The following CLNK variants were observed in gnomAD, a reference collection of about 807,000 sequenced individuals.
CLNK encodes the protein cytokine dependent hematopoietic cell linker.
A neutral mutation model predicts 68.6 loss-of-function variants in CLNK; 74 were observed. The observed-to-expected ratio is 1.08, with a 90% CI of 0.89 to 1.31. The LOEUF (loss-of-function observed/expected upper bound fraction) is 1.31, where lower values mean the gene tolerates loss of function less well. Ranked by LOEUF, CLNK falls within the 50% of genes most tolerant of loss-of-function variation. The pLI is 0.00. For missense variants in CLNK, 553 were observed against 515.3 expected, an observed-to-expected ratio of 1.07 and a Z score of -0.71; for synonymous variants, 198 against 172.2, an observed-to-expected ratio of 1.15 and a Z score of -1.17.
chr4:10,526,883 A>G (rs57686382), intron 13 of CLNK, among the ~76,000 whole-genome samples: 9,859 of 152,258 alleles, frequency 0.065, 601 homozygotes, highest in African/African-American at 0.15. Context: ...TAATACTATG[A>G]TATAAAATCT....
chr4:10,597,857 C>T, intron 3 of CLNK, 121 bp downstream of exon 3: 1 of 700,256 alleles, frequency 1.4e-6, no homozygotes, highest in Non-Finnish European at 2.4e-6. Flanking sequence ...CTCTGTCTGA[C>T]CTCTAAGTCA....
chr4:10,701,492 C>T, the CLNK span, among the ~76,000 whole-genome samples: 579 of 152,270 alleles, frequency 3.8e-3, 7 homozygotes, highest in African/African-American at 0.013. Context: ...AAACGCAGTC[C>T]CCTTTCTCAA....
chr4:10,563,743 C>T (rs1719988704), intron 7 of CLNK, among the ~76,000 whole-genome samples: 1 of 152,094 alleles, frequency 6.6e-6, no homozygotes, highest in Non-Finnish European at 1.5e-5. Context: ...CCCATCTCTA[C>T]TAAAAATACA....
chr4:10,565,934 C>A (rs534223953), intron 6 of CLNK, 75 bp downstream of exon 6: 9 of 1,477,184 alleles, frequency 6.1e-6, no homozygotes, highest in Admixed American at 2.1e-5. Flanking sequence ...ATTCAGAAAC[C>A]GCACCTTTAA....
intron 2 of CLNK, among the ~76,000 whole-genome samples, chr4:10,626,291 A>T (rs575005487): frequency 6.6e-6 from 1 of 152,188 alleles, no homozygotes; most frequent in African/African-American, 2.4e-5. Context: ...TGGATTTTAG[A>T]CAGACAGTTC....
chr4:10,602,318 T>A (rs1264306216), intron 2 of CLNK, among the ~76,000 whole-genome samples: 1 of 152,166 alleles, frequency 6.6e-6, no homozygotes, highest in South Asian at 2.1e-4. Flanking sequence ...CCAAGGTGTA[T>A]GTCTACCCCA....
At chr4:10,668,142 C>T (rs1724480382) in intron 1 of CLNK, among the ~76,000 whole-genome samples, 1 of 152,276 alleles carries the variant, frequency 6.6e-6, no homozygotes, top group South Asian at 2.1e-4. Context: ...ATCCCATCTG[C>T]CCCCGGGAGC....
At chr4:10,676,116 G>C (rs1724864925) in intron 1 of CLNK, among the ~76,000 whole-genome samples, 1 of 151,838 alleles carries the variant, frequency 6.6e-6, no homozygotes, top group Non-Finnish European at 1.5e-5. Context: ...TAGGAGCTTT[G>C]AGTAAACATG....
intron 1 of CLNK, 57 bp from the exon 2 acceptor site, chr4:10,667,968 G>C: frequency 1.0e-6 from 1 of 998,224 alleles, no homozygotes; most frequent in South Asian, 1.7e-5. Context: ...TTTAATTCTG[G>C]GGAACAAGCC....
rs577146049 is a variant in CLNK, at chr4:10,573,975, CAT to C, written c.113-2199_113-2198del. ...CATCAATCTCACTGAATTGTTAACG[CAT>C]ATGTTTTCTGTCTCACTCACCATGA... On this transcript the variant is annotated intron_variant, in intron 4 of 18. Transcript: ENST00000226951. 1.6e-3 allele frequency among the ~76,000 whole-genome samples: 241 copies of C among 152,308 alleles called. 2 individuals carry two copies. Among genetic ancestry groups the C allele is most frequent in the Non-Finnish European group, 1.1e-3 (73 of 68,030 alleles).
intron 15 of CLNK, among the ~76,000 whole-genome samples, chr4:10,520,042 CTTT>C (rs57157988): frequency 6.1e-5 from 9 of 148,740 alleles, no homozygotes; most frequent in African/African-American, 7.4e-5. Flanking sequence ...CTTAAGCCCC[CTTT>C]TTTTTTTTTG....
At chr4:10,581,668 T>A (rs1226413068) in intron 4 of CLNK, among the ~76,000 whole-genome samples, 1 of 152,032 alleles carries the variant, frequency 6.6e-6, no homozygotes, top group Non-Finnish European at 1.5e-5. Context: ...TTTTTTTTTT[T>A]TAAATCTGTG....
chr4:10,651,507 A>G (rs1273911734), intron 2 of CLNK, among the ~76,000 whole-genome samples: 1 of 152,212 alleles, frequency 6.6e-6, no homozygotes, highest in Non-Finnish European at 1.5e-5. Context: ...ATGGGAACAC[A>G]TGGACACAGG....
chr4:10,678,172 A>G (rs954757593), intron 1 of CLNK, among the ~76,000 whole-genome samples: 2 of 152,238 alleles, frequency 1.3e-5, no homozygotes, highest in Admixed American at 1.3e-4. Context: ...GATGGGAGAC[A>G]AATCTTTCAA....
the CLNK span, among the ~76,000 whole-genome samples, chr4:10,724,376 C>A: frequency 1.3e-5 from 2 of 152,146 alleles, no homozygotes; most frequent in Non-Finnish European, 2.9e-5. Context: ...CTTCCCTATG[C>A]TCAGAATTTG....
the CLNK span, among the ~76,000 whole-genome samples, chr4:10,709,305 T>G: frequency 0.8 from 121,604 of 152,152 alleles, 48,950 homozygotes; most frequent in Admixed American, 0.86. Flanking sequence ...TTTTCAAGTG[T>G]TCAAGGGCCA....
At chr4:10,728,385 A>AGTGTGT in the CLNK span, among the ~76,000 whole-genome samples, 2,950 of 146,800 alleles carry the variant, frequency 0.02, 33 homozygotes, top group East Asian at 0.03. Context: ...TATTCTAAAG[A>AGTGTGT]GTGTGTGTGT....
chr4:10,661,578 C>T (rs992181389), intron 2 of CLNK, among the ~76,000 whole-genome samples: 1 of 152,174 alleles, frequency 6.6e-6, no homozygotes, highest in African/African-American at 2.4e-5. Flanking sequence ...TGACATAGAT[C>T]CTCATGGAGA....
chr4:10,699,306 CATACGT>C, the CLNK span, among the ~76,000 whole-genome samples: 1 of 63,950 alleles, frequency 1.6e-5, no homozygotes, highest in African/African-American at 5.8e-5. Context: ...ACACACACCA[CATACGT>C]GTATACACAC....
Sources: allele counts gnomAD v4.1 joint callset (sites outside exome capture counted in the v4.1 genomes callset), GRCh38; gene constraint gnomAD v4.1.1; transcripts MANE v1.5; gene names NCBI Gene and HGNC (gene_info 2026-07-23, HGNC 2026-07-21).